IFITM10: variants seen among roughly 807,000 people sequenced by gnomAD.
IFITM10 encodes the protein interferon induced transmembrane protein 10.
In IFITM10, 17 loss-of-function variants were observed where a neutral mutation model predicts 19.0. The observed-to-expected ratio is 0.90, with a 90% confidence interval of 0.61 to 1.34. IFITM10 has a LOEUF of 1.34. Ranked by LOEUF, IFITM10 falls within the 40% of genes most tolerant of loss-of-function variation. The probability of loss-of-function intolerance (pLI) is 0.00; values close to 1 mark genes in which losing one functional copy is unlikely to be tolerated. For synonymous variants in IFITM10, 148 were observed against 147.2 expected (o/e 1.01, Z -0.04); for missense variants, 306 against 319.8 (o/e 0.96, Z 0.33).
intron 2 of IFITM10, among the ~76,000 whole-genome samples, chr11:1,740,407 GTGAA>G (rs1845550968): frequency 6.6e-6 from 1 of 152,028 alleles, no homozygotes; most frequent in East Asian, 1.9e-4. Flanking sequence ...GGCAGCAGTG[GTGAA>G]GGTAGTGAGA....
chr11:1,748,013 C>A lies in IFITM10; in HGVS notation c.191G>T (p.Arg64Met). The A allele has an allele frequency of 7.0e-7, 1 of 1,436,544 alleles. No homozygotes were observed. Among genetic ancestry groups the A allele is most frequent in the Non-Finnish European group, 9.1e-7 (1 of 1,097,976 alleles). The allele number at this position is 1,436,544 out of a possible 1,614,324, so 89.0% of individuals were successfully genotyped here. Residue 64 changes from arginine (R) to methionine (M), a missense_variant, in exon 2 of 3, where the codon AGG becomes ATG. Arg to Met is a moderately conservative substitution (Grantham distance 91). Coordinates refer to ENST00000340134, the MANE Select transcript of IFITM10 (RefSeq NM_001170820.4). ...GCCCTTGGGCGAACCTGCCGGGGGC[C>A]TCGGAATCCAGAAGGCCCCGTCCAG... ...VPLDGAFWIPRPPAGSPKGCF... is the reference protein window; with the variant it reads ...VPLDGAFWIPMPPAGSPKGCF...
intron 2 of IFITM10, among the ~76,000 whole-genome samples, chr11:1,739,953 A>C (rs1851127906): frequency 1.3e-5 from 2 of 152,158 alleles, no homozygotes; most frequent in South Asian, 4.1e-4. Flanking sequence ...TAGAGCCGGA[A>C]AGATGAACGT....
Position 1,748,087 on chromosome 11 carries a change from C to A in IFITM10, c.117G>T (p.Leu39=). Residue 39 remains leucine, a synonymous_variant, in exon 2 of 3, where the codon CTG becomes CTT. Transcript: ENST00000340134. ...AQGPGQCPAP[L]GDPASTTDGA... Reference sequence around the variant, plus strand: ...CGTCCGTGGTGCTGGCCGGGTCTCCCAGCGGGGCTGGGCACTGGCCGGGGC... The same window carrying A: ...CGTCCGTGGTGCTGGCCGGGTCTCCAAGCGGGGCTGGGCACTGGCCGGGGC... The A allele has an allele frequency of 7.1e-7, 1 of 1,409,544 alleles. No homozygotes were observed. Among genetic ancestry groups the A allele is most frequent in the Non-Finnish European group, 9.2e-7 (1 of 1,089,036 alleles). The allele number at this position is 1,409,544 out of a possible 1,614,324, so 87.3% of individuals were successfully genotyped here. A position where few individuals can be genotyped will look rare whatever the true frequency, so the allele number is the denominator to read the frequency against.
intron 2 of IFITM10, among the ~76,000 whole-genome samples, chr11:1,742,199 G>A (rs1302874177): frequency 6.6e-6 from 1 of 152,170 alleles, no homozygotes; most frequent in Non-Finnish European, 1.5e-5. Flanking sequence ...GAGTGGTGGG[G>A]TGGGTGGACA....
intron 2 of IFITM10, 24 bp downstream of exon 2, chr11:1,747,642 GC>G (rs1255591763): frequency 1.3e-6 from 2 of 1,547,238 alleles, no homozygotes; most frequent in Admixed American, 2.0e-5. Flanking sequence ...GCCCGCCCTT[GC>G]CCCCTGCCAC....
rs1851072678 is a variant in IFITM10 at position 1,735,202 on chromosome 11, G to A, written c.*78C>T. The A allele has an allele frequency of 6.8e-7, 1 of 1,476,938 alleles. No homozygotes were observed. Among genetic ancestry groups the A allele is most frequent in the Admixed American group, 2.1e-5 (1 of 48,576 alleles). The allele number at this position is 1,476,938 out of a possible 1,614,324, so 91.5% of individuals were successfully genotyped here. On this transcript the variant is annotated 3_prime_UTR_variant, in exon 3 of 3. Transcript: ENST00000340134. ...AAGCCCTGCCCTGCCCCAACCTCAT[G>A]GGATCCTGCGTTTCAGGGACCATGA...
chr11:1,746,369 T>G, intron 2 of IFITM10: 2 of 395,152 alleles, frequency 5.1e-6, no homozygotes, highest in African/African-American at 2.1e-5. Context: ...CACAAAAATA[T>G]ATGTACACAC....
At chr11:1,738,183 C>A (rs369436757) in intron 2 of IFITM10, among the ~76,000 whole-genome samples, 2 of 151,992 alleles carry the variant, frequency 1.3e-5, no homozygotes, top group Non-Finnish European at 2.9e-5. Context: ...ATAAAATGTA[C>A]GTTGGATGAG....
Position 1,747,783 on chromosome 11 carries a change from T to C in IFITM10, c.421A>G (p.Ile141Val). Residue 141 changes from isoleucine (I) to valine (V), a missense_variant, in exon 2 of 3, where the codon ATC (isoleucine) becomes GTC (valine). By Grantham distance (29) the Ile-to-Val change is conservative. Transcript: ENST00000340134. ...TCGGTGGTGTCCGGGTAGACCTCGA[T>C]GACGGTCGTGGGGTTGGTCATCGTC... The part of the protein sequence containing the change: ...KKTMTNPTTV[I>V]EVYPDTTEVN... The C allele has an allele frequency of 1.9e-6, 3 of 1,551,654 alleles. No homozygotes were observed. Among genetic ancestry groups the C allele is most frequent in the Non-Finnish European group, 2.6e-6 (3 of 1,146,826 alleles).
At chr11:1,735,522 T>A (rs1179009572) in intron 2 of IFITM10, 93 bp from the exon 3 acceptor site, 4 of 1,139,690 alleles carry the variant, frequency 3.5e-6, no homozygotes, top group Non-Finnish European at 5.0e-6. Context: ...GCCACAGTGC[T>A]CAGCACAGTA....
At chr11:1,736,934 T>A (rs1851093615) in intron 2 of IFITM10, among the ~76,000 whole-genome samples, 1 of 151,936 alleles carries the variant, frequency 6.6e-6, no homozygotes, top group Non-Finnish European at 1.5e-5. Context: ...GAAGATAAAT[T>A]GTACAGAACG....
At chr11:1,749,664 C>T (rs922199830) in intron 1 of IFITM10, among the ~76,000 whole-genome samples, 20 of 151,958 alleles carry the variant, frequency 1.3e-4, no homozygotes, top group African/African-American at 4.4e-4. Flanking sequence ...GCTCCAGTCC[C>T]CTGAGCCCCA....
chr11:1,733,268 C>A lies in IFITM10; in HGVS notation c.*2012G>T. 1 of 153,554 alleles carries A rather than the reference C, an allele frequency of 6.5e-6. No individual in the cohort carries two copies. The allele number at this position is 153,554 out of a possible 1,614,324, so 9.5% of individuals were successfully genotyped here. On this transcript the variant is annotated 3_prime_UTR_variant, in exon 3 of 3. Coordinates refer to ENST00000340134, the MANE Select transcript of IFITM10 (RefSeq NM_001170820.4). The surrounding 1 kb of genome is among the most constrained non-coding windows in gnomAD (Gnocchi z 6.3). ...CCGCATCAGCCTCGCAGCCCGCCGC[C>A]TCCTGCCCTCCCATCCCACCACTGC...
At position 1,747,976 on chromosome 11, in the gene IFITM10, G is replaced by A; in HGVS notation, c.228C>T (p.Cys76=). ...CCTGCAGGGCAGGGGGCTTGGACAC[G>A]CAAGCGAAGCAGCCCTTGGGCGAAC... The part of the protein sequence containing the change: ...PAGSPKGCFA[C]VSKPPALQAP... The change falls in exon 2 of 3, where the codon TGC becomes TGT. Residue 76 remains cysteine, a synonymous_variant. Transcript: ENST00000340134. 3 of 1,454,760 alleles carry A rather than the reference G, an allele frequency of 2.1e-6. No individual in the cohort carries two copies. Among genetic ancestry groups the A allele is most frequent in the African/African-American group, 1.4e-5 (1 of 69,912 alleles). 90.1% of individuals were successfully genotyped at this position (1,454,760 alleles called of 1,614,324 possible).
intron 2 of IFITM10, among the ~76,000 whole-genome samples, chr11:1,741,538 T>C (rs1198074348): frequency 6.6e-6 from 1 of 151,970 alleles, no homozygotes; most frequent in Admixed American, 6.6e-5. Context: ...GACATTCTGA[T>C]GATGAATTGA....
At chr11:1,740,040 G>A (rs1458728040) in intron 2 of IFITM10, among the ~76,000 whole-genome samples, 2 of 152,138 alleles carry the variant, frequency 1.3e-5, no homozygotes, top group South Asian at 2.1e-4. Context: ...GGTGGCTCAC[G>A]CCTGTAATCC....
Position 1,750,447 on chromosome 11 carries a change from C to T in IFITM10, c.-5G>A. On this transcript the variant is annotated 5_prime_UTR_variant, in exon 1 of 3. Transcript: ENST00000340134. Reference sequence around the variant, plus strand: ...CCCCCGTTTTCCCTCCCTCATCTCTCTCCAAGCCCCATCCTCCCATGAAAC... The same window carrying T: ...CCCCCGTTTTCCCTCCCTCATCTCTTTCCAAGCCCCATCCTCCCATGAAAC... 1 of 1,550,470 alleles carries T rather than the reference C, an allele frequency of 6.4e-7. No individual in the cohort carries two copies. The highest frequency in any genetic ancestry group is 1.4e-5 in the African/African-American group (1 of 73,126).
At chr11:1,748,938 G>T (rs1459151021) in intron 1 of IFITM10, 1 of 633,174 alleles carries the variant, frequency 1.6e-6, no homozygotes, top group Admixed American at 6.3e-5. Flanking sequence ...GCGCTCGCCG[G>T]GGGGTCTGCG....
intron 2 of IFITM10, among the ~76,000 whole-genome samples, chr11:1,740,510 G>A (rs1845553916): frequency 6.6e-6 from 1 of 151,986 alleles, no homozygotes; most frequent in African/African-American, 2.4e-5. Context: ...CATGGAACTT[G>A]ACATGATCTC....
Sources: gnomAD v4.1 joint callset for allele counts (sites outside exome capture counted in the v4.1 genomes callset) on GRCh38, gnomAD v4.1.1 for gene constraint, Gnocchi (gnomAD v3.1) non-coding constraint, MANE v1.5 for transcripts, NCBI Gene and HGNC (gene_info 2026-07-23, HGNC 2026-07-21) for gene names.